FHIT: variants seen among roughly 807,000 people sequenced by gnomAD.
The protein encoded by FHIT is fragile histidine triad diadenosine triphosphatase.
Under a neutral mutation model 17.9 loss-of-function variants are expected in FHIT, and 19 were observed. The ratio of observed to expected loss-of-function variants is 1.06; its 90% CI spans 0.74 to 1.56. The LOEUF is 1.56. Among genes scored for constraint, FHIT ranks in the 40% most tolerant of loss-of-function variants. FHIT has a pLI of 0.00. For synonymous variants in FHIT, 81 were observed against 69.7 expected (o/e 1.16, Z -0.81); for missense variants, 248 against 189.2 (o/e 1.31, Z -1.82).
intron 4 of FHIT, among the ~76,000 whole-genome samples, chr3:60,630,664 C>T (rs1206868088): frequency 6.6e-6 from 1 of 152,134 alleles, no homozygotes; most frequent in East Asian, 1.9e-4. Context: ...CTCTGCCAGG[C>T]CCCTGCCCAT....
chr3:60,286,948 A>T (rs762502896), intron 5 of FHIT, among the ~76,000 whole-genome samples: 6 of 152,186 alleles, frequency 3.9e-5, no homozygotes, highest in Non-Finnish European at 7.3e-5. Context: ...TACAGAGCAG[A>T]GAAGGCTTTA....
chr3:60,400,255 G>T (rs980766262), intron 5 of FHIT, among the ~76,000 whole-genome samples: 9 of 152,132 alleles, frequency 5.9e-5, no homozygotes, highest in Non-Finnish European at 1.0e-4. Context: ...GAAGCGGAGA[G>T]CACATCATGG....
At chr3:61,206,076 T>A (rs2039220405) in intron 1 of FHIT, among the ~76,000 whole-genome samples, 1 of 128,704 alleles carries the variant, frequency 7.8e-6, no homozygotes, top group African/African-American at 2.9e-5. Context: ...AAATAGGGAA[T>A]CCTTTCCCCA....
intron 5 of FHIT, among the ~76,000 whole-genome samples, chr3:60,168,639 T>C (rs1252462255): frequency 6.6e-6 from 1 of 152,234 alleles, no homozygotes; most frequent in Non-Finnish European, 1.5e-5. Context: ...TCAAAGAAGA[T>C]AAAGTGAAAA....
intron 4 of FHIT, among the ~76,000 whole-genome samples, chr3:60,803,205 G>A (rs1701257796): frequency 6.6e-6 from 1 of 152,140 alleles, no homozygotes; most frequent in Admixed American, 6.5e-5. Context: ...CTTTGTTAAT[G>A]GGAAAAAGCA....
intron 4 of FHIT, among the ~76,000 whole-genome samples, chr3:60,710,746 A>G (rs1553704840): frequency 6.6e-6 from 1 of 152,210 alleles, no homozygotes; most frequent in African/African-American, 2.4e-5. Context: ...GCCCAGGCTC[A>G]CTTAGGTAAA....
chr3:61,243,499 G>C (rs2040419244), intron 1 of FHIT, among the ~76,000 whole-genome samples: 1 of 152,140 alleles, frequency 6.6e-6, no homozygotes, highest in Non-Finnish European at 1.5e-5. Flanking sequence ...GATGGGGGTA[G>C]GAAGAAAACT....
intron 3 of FHIT, among the ~76,000 whole-genome samples, chr3:60,851,384 G>C (rs1339812817): frequency 3.9e-5 from 6 of 152,046 alleles, no homozygotes; most frequent in African/African-American, 9.7e-5. Flanking sequence ...ATATATAACA[G>C]AAAATGTCAA....
intron 8 of FHIT, among the ~76,000 whole-genome samples, chr3:59,784,712 T>G: frequency 6.6e-6 from 1 of 152,220 alleles, no homozygotes; most frequent in East Asian, 1.9e-4. Flanking sequence ...TGCTCCTTTG[T>G]CCTTCCTGCA....
At chr3:60,766,992 C>T (rs1699878399) in intron 4 of FHIT, among the ~76,000 whole-genome samples, 1 of 152,146 alleles carries the variant, frequency 6.6e-6, no homozygotes, top group Non-Finnish European at 1.5e-5. Context: ...TCATGCTCAT[C>T]CTAATGCGAA....
At position 60,564,789 on chromosome 3, in the gene FHIT, G is replaced by A. The variant is rs1262755594; in HGVS notation, c.-17-27810C>T. On this transcript the variant is annotated intron_variant, in intron 4 of 9. Transcript: ENST00000492590. ...TTTCTTGAGATGAAATCAACTCCTA[G>A]TGAAGATGATGTGAACATTGTCGAA... Among the ~76,000 whole-genome samples, 2 of 152,188 alleles carry A rather than the reference G, an allele frequency of 1.3e-5. 1 individual carries two copies. Among genetic ancestry groups the A allele is most frequent in the Non-Finnish European group, 2.9e-5 (2 of 68,026 alleles).
At chr3:60,626,516 CAAGTG>C (rs1477009972) in intron 4 of FHIT, among the ~76,000 whole-genome samples, 2 of 152,134 alleles carry the variant, frequency 1.3e-5, no homozygotes, top group African/African-American at 2.4e-5. Context: ...TTGTCTATCA[CAAGTG>C]AATAGAGAGA....
intron 4 of FHIT, among the ~76,000 whole-genome samples, chr3:60,650,277 G>T (rs1434659513): frequency 3.2e-4 from 48 of 152,140 alleles, no homozygotes; most frequent in African/African-American, 1.1e-3. Flanking sequence ...CTTTGTCTTA[G>T]TTTCTTGTGG....
At chr3:59,910,424 TC>T (rs998592356) in intron 8 of FHIT, among the ~76,000 whole-genome samples, 7 of 152,190 alleles carry the variant, frequency 4.6e-5, no homozygotes, top group Non-Finnish European at 7.3e-5. Flanking sequence ...GCTTGACTTT[TC>T]CCTGTAGCTT....
At chr3:60,866,824 C>T (rs1162027469) in intron 3 of FHIT, among the ~76,000 whole-genome samples, 1 of 152,202 alleles carries the variant, frequency 6.6e-6, no homozygotes, top group African/African-American at 2.4e-5. Flanking sequence ...TTCTTGCACA[C>T]AAGCACCAAG....
chr3:61,126,254 A>T (rs1259498014), intron 2 of FHIT, among the ~76,000 whole-genome samples: 2 of 86,798 alleles, frequency 2.3e-5, no homozygotes, highest in Non-Finnish European at 4.9e-5. Flanking sequence ...AACAAAAGTA[A>T]AAAAAAAACT....
intron 4 of FHIT, among the ~76,000 whole-genome samples, chr3:60,740,533 A>T (rs1432852375): frequency 6.6e-6 from 1 of 152,186 alleles, no homozygotes; most frequent in Non-Finnish European, 1.5e-5. Context: ...GATCTTTTTT[A>T]TTGTAGTAAA....
intron 2 of FHIT, among the ~76,000 whole-genome samples, chr3:61,048,052 G>C (rs1297511233): frequency 6.6e-6 from 1 of 151,252 alleles, no homozygotes; most frequent in African/African-American, 2.4e-5. Flanking sequence ...TACCATTCAG[G>C]ACATAGGCAT....
At chr3:59,871,906 T>G (rs1702942913) in intron 8 of FHIT, among the ~76,000 whole-genome samples, 1 of 151,886 alleles carries the variant, frequency 6.6e-6, no homozygotes, top group Admixed American at 6.6e-5. Flanking sequence ...ACAAGAAGAG[T>G]CAATTTGTGA....
Sources: allele counts gnomAD v4.1 joint callset (sites outside exome capture counted in the v4.1 genomes callset), GRCh38; gene constraint gnomAD v4.1.1; transcripts MANE v1.5; gene names NCBI Gene and HGNC (gene_info 2026-07-23, HGNC 2026-07-21).